TNNI3K: variants seen among roughly 807,000 people sequenced by gnomAD.
TNNI3K encodes the protein serine/threonine-protein kinase TNNI3K.
In TNNI3K, 140 loss-of-function variants were observed where a neutral mutation model predicts 114.5. That is an observed-to-expected ratio of 1.22 (90% CI 1.07 to 1.41). The LOEUF (loss-of-function observed/expected upper bound fraction) is 1.41, where lower values mean the gene tolerates loss of function less well. TNNI3K is among the 40% of genes most tolerant of loss of function. The probability of loss-of-function intolerance (pLI) is 0.00; values close to 1 mark genes in which losing one functional copy is unlikely to be tolerated. For synonymous variants in TNNI3K, 347 were observed against 347.5 expected (o/e 1.00, Z 0.02); for missense variants, 1,125 against 1,007.6 (o/e 1.12, Z -1.58).
At chr1:74,397,697 C>T (rs1252803624) in intron 17 of TNNI3K, among the ~76,000 whole-genome samples, 9 of 152,148 alleles carry the variant, frequency 5.9e-5, no homozygotes, top group Non-Finnish European at 1.2e-4. Context: ...AAAGAAACTC[C>T]ACTACATGAT....
At chr1:74,260,694 A>G (rs45626944) in intron 4 of TNNI3K, among the ~76,000 whole-genome samples, 2,451 of 152,214 alleles carry the variant, frequency 0.016, 59 homozygotes, top group East Asian at 0.052. Context: ...TTTTGCATAG[A>G]AAAATTAAAA....
chr1:74,354,436 T>C (rs1661551224), intron 11 of TNNI3K, among the ~76,000 whole-genome samples: 1 of 151,808 alleles, frequency 6.6e-6, no homozygotes, highest in African/African-American at 2.4e-5. Context: ...GGCTCAGAGC[T>C]AGTCTTTATC....
At chr1:74,299,685 A>G (rs562311858) in intron 5 of TNNI3K, among the ~76,000 whole-genome samples, 51 of 152,278 alleles carry the variant, frequency 3.3e-4, no homozygotes, top group Non-Finnish European at 6.3e-4. Flanking sequence ...AGGTGAAGGA[A>G]ACAGCATAAA....
intron 5 of TNNI3K, among the ~76,000 whole-genome samples, chr1:74,320,680 A>G (rs1206077269): frequency 6.6e-6 from 1 of 152,180 alleles, no homozygotes; most frequent in African/African-American, 2.4e-5. Context: ...AACCAATGAC[A>G]TAACGTTTAG....
intron 23 of TNNI3K, among the ~76,000 whole-genome samples, chr1:74,534,287 T>G (rs1454686605): frequency 1.3e-5 from 2 of 152,118 alleles, no homozygotes; most frequent in Non-Finnish European, 2.9e-5. Flanking sequence ...AGTTCCCAAG[T>G]TTGCAAAAGC....
intron 6 of TNNI3K, among the ~76,000 whole-genome samples, chr1:74,332,015 G>T (rs1180413174): frequency 2.0e-5 from 3 of 151,846 alleles, no homozygotes; most frequent in Non-Finnish European, 4.4e-5. Flanking sequence ...ACTCATAAAG[G>T]CTCTATAAAA....
chr1:74,318,461 T>A (rs2100374314), intron 5 of TNNI3K, among the ~76,000 whole-genome samples: 1 of 152,242 alleles, frequency 6.6e-6, no homozygotes, highest in Admixed American at 6.5e-5. Context: ...ATGAAGAGAG[T>A]ACACTTCGAA....
chr1:74,323,206 G>T (rs1208751864), intron 5 of TNNI3K, among the ~76,000 whole-genome samples: 1 of 151,992 alleles, frequency 6.6e-6, no homozygotes, highest in African/African-American at 2.4e-5. Context: ...AGAACTTTCT[G>T]CAATGGGAAG....
At chr1:74,291,445 A>G (rs936372034) in intron 5 of TNNI3K, among the ~76,000 whole-genome samples, 2 of 151,520 alleles carry the variant, frequency 1.3e-5, no homozygotes, top group African/African-American at 4.8e-5. Context: ...TGTACAAGGG[A>G]AGGTTCTAAG....
Position 74,343,328 on chromosome 1 carries a change from C to A in TNNI3K, c.932+149C>A, listed in dbSNP as rs1475274486. The A allele has an allele frequency of 4.6e-6, 4 of 864,156 alleles. No homozygotes were observed. The African/African-American group carries it at 5.2e-5, about 11-fold the overall frequency. The allele number at this position is 864,156 out of a possible 1,614,324, so 53.5% of individuals were successfully genotyped here. A position where few individuals can be genotyped will look rare whatever the true frequency, so the allele number is the denominator to read the frequency against. On this transcript the variant is annotated intron_variant, in intron 9 of 24. Transcript: ENST00000326637. ...TAGGGCAGAGGACAAAGAGCCAGAGCTAGATGCATGGAAGAAAAGGTGGAG... is the reference window on the plus strand; with the variant it reads ...TAGGGCAGAGGACAAAGAGCCAGAGATAGATGCATGGAAGAAAAGGTGGAG...
At chr1:74,350,267 T>C (rs1242741557) in intron 9 of TNNI3K, among the ~76,000 whole-genome samples, 1 of 152,236 alleles carries the variant, frequency 6.6e-6, no homozygotes, top group African/African-American at 2.4e-5. Context: ...TCAGTTTCCA[T>C]GTAGTTGAGC....
intron 4 of TNNI3K, among the ~76,000 whole-genome samples, chr1:74,260,146 T>G (rs1655577187): frequency 6.6e-6 from 1 of 152,226 alleles, no homozygotes; most frequent in Admixed American, 6.5e-5. Context: ...ATTATTGCAC[T>G]CTCTTTTGGG....
At chr1:74,424,840 T>C (rs936565692) in intron 17 of TNNI3K, among the ~76,000 whole-genome samples, 3 of 152,184 alleles carry the variant, frequency 2.0e-5, no homozygotes, top group Middle Eastern at 3.4e-3. Context: ...TGAGCTGCTA[T>C]AATTTGCTCA....
intron 5 of TNNI3K, among the ~76,000 whole-genome samples, chr1:74,312,244 C>T (rs1052562865): frequency 5.3e-5 from 8 of 152,174 alleles, no homozygotes; most frequent in African/African-American, 1.9e-4. Context: ...AAATCACTAT[C>T]AGTCTCATTT....
At chr1:74,380,826 A>C (rs1490347280) in intron 17 of TNNI3K, among the ~76,000 whole-genome samples, 5 of 151,968 alleles carry the variant, frequency 3.3e-5, no homozygotes, top group Non-Finnish European at 7.4e-5. Context: ...TGCATTTCTC[A>C]CTTGATCGTT....
chr1:74,256,519 A>G (rs960014755), intron 4 of TNNI3K, among the ~76,000 whole-genome samples: 1 of 151,492 alleles, frequency 6.6e-6, no homozygotes, highest in South Asian at 2.1e-4. Context: ...TTCTAATACA[A>G]TTCTTTTCTT....
At position 74,409,785 on chromosome 1, in the gene TNNI3K, C is replaced by T. The variant is rs115178623; in HGVS notation, c.1773-26295C>T. Among the ~76,000 whole-genome samples, 20 of 152,192 alleles carry T rather than the reference C, an allele frequency of 1.3e-4. 1 individual carries two copies. Among genetic ancestry groups the T allele is most frequent in the Admixed American group, 8.5e-4 (13 of 15,282 alleles). On this transcript the variant is annotated intron_variant, in intron 17 of 24. Coordinates refer to ENST00000326637, the MANE Select transcript of TNNI3K (RefSeq NM_015978.3). ...CAGGGATTACAGGCGTGAGCCACCA[C>T]GCCCACCTTTTCTTTTATATTTATT... is the stretch of plus-strand genomic sequence containing the variant.
intron 2 of TNNI3K, among the ~76,000 whole-genome samples, chr1:74,241,622 G>A (rs1253748136): frequency 1.3e-5 from 2 of 151,992 alleles, no homozygotes; most frequent in African/African-American, 2.4e-5. Context: ...CTTGTTGATG[G>A]GGTTGTTTTT....
intron 23 of TNNI3K, among the ~76,000 whole-genome samples, chr1:74,510,438 G>A (rs752051471): frequency 6.6e-5 from 10 of 152,232 alleles, no homozygotes; most frequent in Non-Finnish European, 1.2e-4. Flanking sequence ...AACCCGGGAG[G>A]TGGAGCTTGC....
Sources: allele counts gnomAD v4.1 joint callset (sites outside exome capture counted in the v4.1 genomes callset), GRCh38; gene constraint gnomAD v4.1.1; transcripts MANE v1.5; gene names NCBI Gene and HGNC (gene_info 2026-07-23, HGNC 2026-07-21).